TMEM132B: variants seen among roughly 807,000 people sequenced by gnomAD.
TMEM132B encodes transmembrane protein 132B.
In TMEM132B, 18 loss-of-function variants were observed where a neutral mutation model predicts 90.8. That is an observed-to-expected ratio of 0.20 (90% CI 0.14 to 0.29). TMEM132B has a LOEUF of 0.29. TMEM132B is among the 10% of genes least tolerant of loss of function. The probability of loss-of-function intolerance (pLI) is 1.00; values close to 1 mark genes in which losing one functional copy is unlikely to be tolerated. For missense variants in TMEM132B, 1,096 were observed against 1,326.8 expected (o/e 0.83, Z 2.70); for synonymous variants, 504 against 523.3 (o/e 0.96, Z 0.50).
At chr12:125,317,380 A>G (rs1199163893) in intron 1 of TMEM132B, among the ~76,000 whole-genome samples, 1 of 152,098 alleles carries the variant, frequency 6.6e-6, no homozygotes, top group Admixed American at 6.5e-5. Flanking sequence ...CCTGCCCATC[A>G]GTCTCTGTTG....
chr12:125,229,565 C>T (rs1324890029), intron 1 of TMEM132B, among the ~76,000 whole-genome samples: 1 of 152,220 alleles, frequency 6.6e-6, no homozygotes, highest in African/African-American at 2.4e-5. Context: ...ATCTATCTAT[C>T]TGTCATCTAT....
chr12:125,635,128 AG>A (rs1421924852), intron 5 of TMEM132B, among the ~76,000 whole-genome samples: 1 of 152,164 alleles, frequency 6.6e-6, no homozygotes, highest in Non-Finnish European at 1.5e-5. Flanking sequence ...CTCTCTGCCT[AG>A]GGCTGGATTT....
intron 2 of TMEM132B, among the ~76,000 whole-genome samples, 180 bp downstream of exon 2, chr12:125,350,523 A>C (rs1328592672): frequency 2.0e-5 from 3 of 152,230 alleles, no homozygotes; most frequent in Non-Finnish European, 4.4e-5. Flanking sequence ...AAAAGAGCTG[A>C]GCTTCATTAC....
At chr12:125,647,758 G>A (rs1417325030) in intron 6 of TMEM132B, among the ~76,000 whole-genome samples, 3 of 151,994 alleles carry the variant, frequency 2.0e-5, no homozygotes, top group Non-Finnish European at 4.4e-5. Flanking sequence ...GATAGAATGA[G>A]TAAAAACACT....
Position 125,460,390 on chromosome 12 carries a change from G to T in TMEM132B, c.1106+44713G>T, listed in dbSNP as rs1452431296. Among the ~76,000 whole-genome samples the T allele has an allele frequency of 2.0e-5, 3 of 152,104 alleles. No homozygotes were observed. Among genetic ancestry groups the T allele is most frequent in the Non-Finnish European group, 2.9e-5 (2 of 68,034 alleles). Reference sequence around the variant, plus strand: ...GCCTGTAATCTCAGCTACTCAGGAGGCTGAGGCAGGACAATTGCTTGAACC... The same window carrying T: ...GCCTGTAATCTCAGCTACTCAGGAGTCTGAGGCAGGACAATTGCTTGAACC... On this transcript the variant is annotated intron_variant, in intron 3 of 8. Transcript: ENST00000682704. This position sits in a 1 kb window ranked among gnomAD's most constrained non-coding sequence, Gnocchi z 4.4.
intron 3 of TMEM132B, among the ~76,000 whole-genome samples, chr12:125,447,176 T>C (rs1376813180): frequency 2.0e-5 from 3 of 152,204 alleles, no homozygotes; most frequent in African/African-American, 4.8e-5. Context: ...AATTGGCATA[T>C]GTTGTTTATT....
At chr12:125,617,788 A>G (rs7309971) in intron 5 of TMEM132B, among the ~76,000 whole-genome samples, 68,004 of 151,826 alleles carry the variant, frequency 0.45, 16,279 homozygotes, top group African/African-American at 0.6. Context: ...ACAGTCTGAT[A>G]CATTAAATTC....
chr12:125,594,743 A>G lies in TMEM132B; in HGVS notation c.1437+10749A>G, dbSNP rs117652189. Among the ~76,000 whole-genome samples, 349 of 152,186 alleles carry G rather than the reference A, an allele frequency of 2.3e-3. 13 individuals are homozygous for G. The East Asian group carries it at 0.057, about 25-fold the overall frequency. On this transcript the variant is annotated intron_variant, in intron 5 of 8. Transcript: ENST00000682704. Reference sequence around the variant, plus strand: ...TGTAAAAACATTATTGAGTCTTGAGAGTTGTTTTTATATTCTGGATACAAG... The same window carrying G: ...TGTAAAAACATTATTGAGTCTTGAGGGTTGTTTTTATATTCTGGATACAAG...
chr12:125,606,189 AG>A (rs1885691724), intron 5 of TMEM132B, among the ~76,000 whole-genome samples: 1 of 152,212 alleles, frequency 6.6e-6, no homozygotes. Flanking sequence ...TGAACAGTTC[AG>A]ATTTCAGTCA....
At chr12:125,423,589 G>T (rs1321579814) in intron 3 of TMEM132B, among the ~76,000 whole-genome samples, 1 of 152,198 alleles carries the variant, frequency 6.6e-6, no homozygotes, top group Non-Finnish European at 1.5e-5. Context: ...TTGAATTTAT[G>T]CTGCTGGCCA....
intron 1 of TMEM132B, among the ~76,000 whole-genome samples, chr12:125,243,032 T>TATAC (rs1215676534): frequency 5.7e-4 from 77 of 134,996 alleles, no homozygotes; most frequent in African/African-American, 2.0e-3. Context: ...TATATATATA[T>TATAC]ACACACACAC....
intron 1 of TMEM132B, among the ~76,000 whole-genome samples, chr12:125,268,075 A>G (rs1026448944): frequency 5.3e-5 from 8 of 152,184 alleles, no homozygotes; most frequent in African/African-American, 1.7e-4. Flanking sequence ...GCAAGACTCC[A>G]TCTCTACAAA....
intron 3 of TMEM132B, among the ~76,000 whole-genome samples, chr12:125,486,735 C>T (rs1376982211): frequency 6.6e-6 from 1 of 152,182 alleles, no homozygotes; most frequent in Non-Finnish European, 1.5e-5. Context: ...AATCCTATTT[C>T]CCAGTGTCAG....
chr12:125,401,500 C>T (rs1302608834), intron 2 of TMEM132B, among the ~76,000 whole-genome samples: 1 of 151,974 alleles, frequency 6.6e-6, no homozygotes, highest in Admixed American at 6.6e-5. Context: ...TGACATTTGT[C>T]CAGATCTGAA....
intron 4 of TMEM132B, among the ~76,000 whole-genome samples, chr12:125,571,381 T>C (rs1009327455): frequency 6.6e-6 from 1 of 152,204 alleles, no homozygotes; most frequent in African/African-American, 2.4e-5. Flanking sequence ...GTACTTACAA[T>C]ATACCAGGCA....
chr12:125,388,441 A>AAAAAC (rs1383304965), intron 2 of TMEM132B, among the ~76,000 whole-genome samples: 3 of 152,180 alleles, frequency 2.0e-5, no homozygotes, highest in Non-Finnish European at 4.4e-5. Flanking sequence ...AAAGAAAAAG[A>AAAAAC]AAAACAAAAC....
intron 1 of TMEM132B, among the ~76,000 whole-genome samples, chr12:125,297,256 C>G (rs752875264): frequency 6.6e-6 from 1 of 152,174 alleles, no homozygotes; most frequent in Non-Finnish European, 1.5e-5. Flanking sequence ...TCTCATGTCC[C>G]GAGGCAGGCA....
intron 5 of TMEM132B, among the ~76,000 whole-genome samples, chr12:125,612,608 A>G (rs2136947818): frequency 6.9e-6 from 1 of 145,062 alleles, no homozygotes; most frequent in Admixed American, 6.9e-5. Context: ...CAAACAGTAT[A>G]TATTTTTAAT....
intron 5 of TMEM132B, among the ~76,000 whole-genome samples, chr12:125,599,385 G>A (rs926163746): frequency 4.6e-5 from 7 of 152,142 alleles, no homozygotes; most frequent in Admixed American, 1.3e-4. Flanking sequence ...GTCTTTGTTA[G>A]CAGTGTGAGA....
Sources: allele counts gnomAD v4.1 joint callset (sites outside exome capture counted in the v4.1 genomes callset), GRCh38; gene constraint gnomAD v4.1.1; non-coding constraint Gnocchi (gnomAD v3.1); transcripts MANE v1.5; gene names NCBI Gene and HGNC (gene_info 2026-07-23, HGNC 2026-07-21).